The following TSPAN11 variants were observed in gnomAD, a reference collection of about 807,000 sequenced individuals.
The protein encoded by TSPAN11 is tetraspanin 11, also known as tetraspanin-11.
A neutral mutation model predicts 32.9 loss-of-function variants in TSPAN11; 29 were observed. That is an observed-to-expected ratio of 0.88 (90% confidence interval 0.66 to 1.20). TSPAN11 has a LOEUF of 1.20. TSPAN11 is among the 50% of genes most tolerant of loss of function. The pLI is 0.00. For missense variants in TSPAN11, 283 were observed against 329.1 expected (o/e 0.86, Z 1.08); for synonymous variants, 140 against 141.3 (o/e 0.99, Z 0.07).
At chr12:31,002,999 C>T in the TSPAN11 span, among the ~76,000 whole-genome samples, 1 of 152,214 alleles carries the variant, frequency 6.6e-6, no homozygotes, top group Non-Finnish European at 1.5e-5. This position sits in a 1 kb window ranked among gnomAD's most constrained non-coding sequence, Gnocchi z 4.8. Context: ...CCTGCCTGCT[C>T]ACCCCTTCTG....
intron 2 of TSPAN11, among the ~76,000 whole-genome samples, chr12:30,962,170 GA>G (rs1409957161): frequency 6.6e-6 from 1 of 151,442 alleles, no homozygotes; most frequent in Non-Finnish European, 1.5e-5. Flanking sequence ...CGGAATTGAA[GA>G]AATCTGCGTG....
intron 1 of TSPAN11, among the ~76,000 whole-genome samples, chr12:30,935,483 G>A (rs1287575788): frequency 1.4e-5 from 2 of 147,256 alleles, no homozygotes; most frequent in Non-Finnish European, 3.0e-5. Context: ...TACTTGGTTC[G>A]AGCAATTCTC....
intron 1 of TSPAN11, among the ~76,000 whole-genome samples, chr12:30,947,008 C>T (rs1375119005): frequency 1.3e-5 from 2 of 152,128 alleles, no homozygotes; most frequent in Non-Finnish European, 2.9e-5. Context: ...TAGGAAGGCC[C>T]GTCTGCTTCC....
chr12:30,967,040 AT>A (rs931958219), intron 3 of TSPAN11, among the ~76,000 whole-genome samples: 2 of 152,100 alleles, frequency 1.3e-5, no homozygotes, highest in African/African-American at 4.8e-5. Flanking sequence ...GAATTATTGG[AT>A]TTTTTGGAGA....
chr12:30,964,554 A>G (rs1938689012), intron 3 of TSPAN11, among the ~76,000 whole-genome samples: 1 of 151,726 alleles, frequency 6.6e-6, no homozygotes. Flanking sequence ...AACAATTACC[A>G]TCTCATAGCC....
chr12:30,980,846 T>C (rs1440335931), intron 5 of TSPAN11, among the ~76,000 whole-genome samples: 1 of 152,182 alleles, frequency 6.6e-6, no homozygotes, highest in Admixed American at 6.5e-5. Flanking sequence ...TGGCCAGCCC[T>C]GTGCAAAACT....
Position 30,983,140 on chromosome 12 carries a change from C to T in TSPAN11, c.692C>T (p.Ala231Val), listed in dbSNP as rs1592494968. Residue 231 changes from alanine to valine, a missense_variant, in exon 7 of 8, where the codon GCC becomes GTC. Ala to Val is a moderately conservative substitution (Grantham distance 64, BLOSUM62 0). Coordinates refer to ENST00000546076, the MANE Select transcript of TSPAN11 (RefSeq NM_001370302.1). Reference sequence around the variant, plus strand: ...ATGGGGGCAGTGGGCATCGGGGTGGCCTGCCTGCAGGTGAGTTGCAGTGCG... The same window carrying T: ...ATGGGGGCAGTGGGCATCGGGGTGGTCTGCCTGCAGGTGAGTTGCAGTGCG... Reference protein sequence around the residue: ...LLMGAVGIGVACLQICGMVLT... With the variant: ...LLMGAVGIGVVCLQICGMVLT... 6.2e-7 allele frequency: 1 copy of T among 1,612,122 alleles called. No homozygotes were observed. Among genetic ancestry groups the T allele is most frequent in the East Asian group, 2.2e-5 (1 of 44,860 alleles).
chr12:30,995,859 C>T lies in TSPAN11; in HGVS notation c.*3944C>T, dbSNP rs910696923. 6.6e-6 allele frequency: 1 copy of T among 152,210 alleles called. No individual in the cohort carries two copies. Among genetic ancestry groups the T allele is most frequent in the African/African-American group, 2.4e-5 (1 of 41,422 alleles). The allele number at this position is 152,210 out of a possible 1,614,324, so 9.4% of individuals were successfully genotyped here. A position where few individuals can be genotyped will look rare whatever the true frequency, so the allele number is the denominator to read the frequency against. On this transcript the variant is annotated 3_prime_UTR_variant, in exon 8 of 8. Transcript: ENST00000546076. The stretch of plus-strand genomic sequence containing the variant: ...CAAGACCAATCATTTGCATTTCTGA[C>T]AAGTTCCCAGGAGCTGCAGCTGCTG...
chr12:30,962,376 A>G (rs777030136), intron 2 of TSPAN11, among the ~76,000 whole-genome samples: 1 of 152,208 alleles, frequency 6.6e-6, no homozygotes, highest in Non-Finnish European at 1.5e-5. Flanking sequence ...CTCAGGAGAC[A>G]TGGGGTTGAA....
At chr12:30,964,709 A>G (rs1938692297) in intron 3 of TSPAN11, among the ~76,000 whole-genome samples, 1 of 152,218 alleles carries the variant, frequency 6.6e-6, no homozygotes, top group Admixed American at 6.5e-5. Flanking sequence ...AGAAAACATG[A>G]TAACATTACC....
chr12:31,002,767 C>G, the TSPAN11 span, among the ~76,000 whole-genome samples: 1,139 of 152,314 alleles, frequency 7.5e-3, 14 homozygotes, highest in African/African-American at 0.026. This position sits in a 1 kb window ranked among gnomAD's most constrained non-coding sequence, Gnocchi z 4.8. Flanking sequence ...TCCACCTGAA[C>G]TGCTCTTTGG....
At chr12:30,999,977 C>G (rs79537399), downstream of TSPAN11, among the ~76,000 whole-genome samples, 5,280 of 152,246 alleles carry the variant, frequency 0.035, 278 homozygotes, top group African/African-American at 0.12. Flanking sequence ...CATCAATCAG[C>G]AGAGCTTGGC....
chr12:30,998,763 G>A (rs1939449460), downstream of TSPAN11, among the ~76,000 whole-genome samples: 3 of 152,210 alleles, frequency 2.0e-5, no homozygotes, highest in Non-Finnish European at 4.4e-5. Context: ...TCCCGTGATG[G>A]GGATGAGGAG....
intron 2 of TSPAN11, 104 bp from the exon 3 acceptor site, chr12:30,963,722 A>G: frequency 7.9e-7 from 1 of 1,272,076 alleles, no homozygotes; most frequent in Non-Finnish European, 1.1e-6. Flanking sequence ...GGAGGACTGA[A>G]TGAGCCAGTG....
At chr12:30,951,500 G>T (rs1317224750) in intron 1 of TSPAN11, among the ~76,000 whole-genome samples, 1 of 152,184 alleles carries the variant, frequency 6.6e-6, no homozygotes, top group African/African-American at 2.4e-5. Context: ...CTCTGGCTTT[G>T]TCATGTACTT....
chr12:30,963,870 G>A lies in TSPAN11; in HGVS notation c.129G>A (p.Val43=), dbSNP rs372933628. 1.1e-4 allele frequency: 176 copies of A among 1,612,130 alleles called. No homozygotes were observed. The highest frequency in any genetic ancestry group is 1.4e-4 in the Non-Finnish European group (170 of 1,180,026). ...TGGCTGTGGGCATCTGGACCCTGGT[G>A]GAGAAGAGTGGCTACCTCAGCGTCC... ...AVLAVGIWTL[V]EKSGYLSVLA... is the part of the protein sequence containing the mutation. Residue 43 remains valine, a synonymous_variant, in exon 3 of 8, where the codon GTG becomes GTA. Coordinates refer to ENST00000546076, the MANE Select transcript of TSPAN11 (RefSeq NM_001370302.1).
At chr12:30,939,383 G>A (rs1182936286) in intron 1 of TSPAN11, among the ~76,000 whole-genome samples, 1 of 152,170 alleles carries the variant, frequency 6.6e-6, no homozygotes, top group East Asian at 1.9e-4. Context: ...GAGTCTGGGA[G>A]AGGTGCCAGT....
the TSPAN11 span, among the ~76,000 whole-genome samples, chr12:31,008,535 T>C: frequency 6.6e-6 from 1 of 152,194 alleles, no homozygotes. Flanking sequence ...GTCCTGCCAC[T>C]GCCCCAGCTG....
Position 30,975,697 on chromosome 12 carries a change from G to A in TSPAN11, c.277-2864G>A, listed in dbSNP as rs1307302073. On this transcript the variant is annotated intron_variant, in intron 3 of 7. Transcript: ENST00000546076. The surrounding 1 kb of genome is among the most constrained non-coding windows in gnomAD (Gnocchi z 4.5). ...AGTAACTGGGGCAGTGGCTTCCCCC[G>A]AGAAGTGGCGTGACACTGCCAGCTA... is the stretch of plus-strand genomic sequence containing the variant. 2.0e-5 allele frequency among the ~76,000 whole-genome samples: 3 copies of A among 152,022 alleles called. No individual in the cohort carries two copies. The highest frequency in any genetic ancestry group is 4.8e-5 in the African/African-American group (2 of 41,380).
Sources: gnomAD v4.1 joint callset for allele counts (sites outside exome capture counted in the v4.1 genomes callset) on GRCh38, gnomAD v4.1.1 for gene constraint, Gnocchi (gnomAD v3.1) non-coding constraint, MANE v1.5 for transcripts, NCBI Gene and HGNC (gene_info 2026-07-23, HGNC 2026-07-21) for gene names.